The following GNA14 variants were observed in gnomAD, a reference collection of about 807,000 sequenced individuals.
GNA14 encodes the protein G protein subunit alpha 14.
A neutral mutation model predicts 42.0 loss-of-function variants in GNA14; 50 were observed. That is an observed-to-expected ratio of 1.19 (90% CI 0.95 to 1.51). The LOEUF is 1.51. Among genes scored for constraint, GNA14 ranks in the 40% most tolerant of loss-of-function variants. The pLI is 0.00. For synonymous variants in GNA14, 173 were observed against 163.1 expected, an observed-to-expected ratio of 1.06 and a Z score of -0.46; for missense variants, 473 against 446.2, an observed-to-expected ratio of 1.06 and a Z score of -0.54.
chr9:77,516,538 C>T (rs1335159640), intron 2 of GNA14, among the ~76,000 whole-genome samples: 1 of 152,066 alleles, frequency 6.6e-6, no homozygotes, highest in African/African-American at 2.4e-5. Flanking sequence ...CCAGCCTGGC[C>T]AACATGGTGA....
chr9:77,432,735 A>G (rs933912560), intron 3 of GNA14, among the ~76,000 whole-genome samples: 1 of 151,988 alleles, frequency 6.6e-6, no homozygotes, highest in Admixed American at 6.6e-5. Flanking sequence ...CCTTGCCCCC[A>G]TGGTTTTCAG....
intron 1 of GNA14, among the ~76,000 whole-genome samples, chr9:77,575,390 A>AG (rs1823112954): frequency 6.6e-6 from 1 of 152,220 alleles, no homozygotes; most frequent in African/African-American, 2.4e-5. Context: ...CTCAAAAAAA[A>AG]GAAAGAAAAC....
chr9:77,462,605 C>T (rs1048072155), intron 2 of GNA14, among the ~76,000 whole-genome samples: 3 of 152,006 alleles, frequency 2.0e-5, no homozygotes, highest in African/African-American at 4.8e-5. Context: ...CCTGTAATCC[C>T]GGCTACTCGG....
chr9:77,646,785 T>G (rs1244045045), intron 1 of GNA14, among the ~76,000 whole-genome samples: 1 of 152,222 alleles, frequency 6.6e-6, no homozygotes, highest in Non-Finnish European at 1.5e-5. Flanking sequence ...TTGACAGCGT[T>G]CTAGAAAGTC....
intron 1 of GNA14, among the ~76,000 whole-genome samples, chr9:77,540,648 G>A (rs148706507): frequency 6.6e-6 from 1 of 152,052 alleles, no homozygotes; most frequent in Non-Finnish European, 1.5e-5. Context: ...GAATCTGAGT[G>A]CTCCAGTTTT....
intron 1 of GNA14, among the ~76,000 whole-genome samples, chr9:77,624,507 C>T (rs986084211): frequency 4.6e-5 from 7 of 152,212 alleles, no homozygotes; most frequent in African/African-American, 1.7e-4. Flanking sequence ...CGACAGACAC[C>T]TCATACAGGA....
intron 1 of GNA14, among the ~76,000 whole-genome samples, chr9:77,543,534 T>C (rs1262998494): frequency 2.0e-5 from 3 of 152,214 alleles, no homozygotes; most frequent in African/African-American, 7.2e-5. Context: ...TTTGGAGCAA[T>C]GTCACTGCAC....
chr9:77,524,886 CT>C (rs1480480658), intron 2 of GNA14, among the ~76,000 whole-genome samples: 1 of 152,086 alleles, frequency 6.6e-6, no homozygotes, highest in Non-Finnish European at 1.5e-5. Context: ...AAATCACTTC[CT>C]TTTGCTCATA....
chr9:77,449,092 T>C (rs1835867383), intron 2 of GNA14, among the ~76,000 whole-genome samples: 1 of 152,216 alleles, frequency 6.6e-6, no homozygotes, highest in African/African-American at 2.4e-5. Context: ...TATGTTAAGA[T>C]ACAGTTAGAT....
At chr9:77,615,941 T>C (rs965239948) in intron 1 of GNA14, among the ~76,000 whole-genome samples, 1 of 152,142 alleles carries the variant, frequency 6.6e-6, no homozygotes, top group Admixed American at 6.5e-5. Context: ...GTTGTTGTTG[T>C]TGTTGTTGCA....
intron 2 of GNA14, among the ~76,000 whole-genome samples, chr9:77,515,971 A>AAAAAAAAAAAAAAAAAAAAAAAAAAAC (rs1554693936): frequency 2.0e-5 from 3 of 147,298 alleles, no homozygotes; most frequent in Non-Finnish European, 4.5e-5. Context: ...AAAAAAAAAA[A>AAAAAAAAAAAAAAAAAAAAAAAAAAAC]AAAAAAAAAA....
chr9:77,561,317 T>C (rs1822879075), intron 1 of GNA14, among the ~76,000 whole-genome samples: 1 of 152,190 alleles, frequency 6.6e-6, no homozygotes, highest in Admixed American at 6.5e-5. Context: ...AACTAATTTG[T>C]TCCCTCAAAT....
intron 1 of GNA14, among the ~76,000 whole-genome samples, chr9:77,628,825 T>C (rs1285270205): frequency 6.6e-6 from 1 of 152,064 alleles, no homozygotes; most frequent in Non-Finnish European, 1.5e-5. Flanking sequence ...GACACAGACA[T>C]AGGCAAAGAC....
At chr9:77,455,191 A>G (rs1835978197) in intron 2 of GNA14, among the ~76,000 whole-genome samples, 1 of 152,166 alleles carries the variant, frequency 6.6e-6, no homozygotes, top group African/African-American at 2.4e-5. Context: ...CTGTTGTCTC[A>G]TCAGCTGTCA....
intron 1 of GNA14, among the ~76,000 whole-genome samples, chr9:77,556,437 C>T (rs1822783013): frequency 6.6e-6 from 1 of 152,084 alleles, no homozygotes; most frequent in African/African-American, 2.4e-5. Flanking sequence ...ACCACTGAAC[C>T]TGGAAAAGGC....
intron 1 of GNA14, among the ~76,000 whole-genome samples, chr9:77,572,121 G>T (rs528355767): frequency 2.0e-5 from 3 of 152,136 alleles, no homozygotes; most frequent in Admixed American, 1.3e-4. Context: ...AGGTTAAGAA[G>T]AAAAGTCAAG....
At chr9:77,549,902 C>A (rs996280967) in intron 1 of GNA14, among the ~76,000 whole-genome samples, 1 of 152,134 alleles carries the variant, frequency 6.6e-6, no homozygotes, top group Admixed American at 6.5e-5. Context: ...TTTCTCCACC[C>A]AAATGATCCC....
At chr9:77,625,701 C>G (rs1057025196) in intron 1 of GNA14, among the ~76,000 whole-genome samples, 5 of 152,156 alleles carry the variant, frequency 3.3e-5, no homozygotes, top group South Asian at 4.1e-4. Context: ...ATTCTGTCAC[C>G]ACCAGGCCTG....
chr9:77,531,789 C>A (rs1837532424), intron 1 of GNA14, among the ~76,000 whole-genome samples: 1 of 152,124 alleles, frequency 6.6e-6, no homozygotes, highest in Non-Finnish European at 1.5e-5. Flanking sequence ...CCACCACCAG[C>A]CCCAAACACA....
Sources: gnomAD v4.1 joint callset for allele counts (sites outside exome capture counted in the v4.1 genomes callset) on GRCh38, gnomAD v4.1.1 for gene constraint, MANE v1.5 for transcripts, NCBI Gene and HGNC (gene_info 2026-07-23, HGNC 2026-07-21) for gene names.